Variants in PPP2R5C observed in about 807,000 individuals in gnomAD.
PPP2R5C encodes the protein serine/threonine-protein phosphatase 2A 56 kDa regulatory subunit gamma isoform.
Under a neutral mutation model 68.9 loss-of-function variants are expected in PPP2R5C, and 7 were observed. The ratio of observed to expected loss-of-function variants is 0.10; its 90% CI spans 0.06 to 0.19. The LOEUF (loss-of-function observed/expected upper bound fraction) is 0.19. Ranked by LOEUF, PPP2R5C falls within the 10% of genes least tolerant of loss-of-function variation. The pLI is 1.00. For synonymous variants in PPP2R5C, 210 were observed against 222.2 expected, an observed-to-expected ratio of 0.95 and a Z score of 0.49; for missense variants, 348 against 641.3, an observed-to-expected ratio of 0.54 and a Z score of 4.94.
At chr14:101,901,241 T>C (rs1472023196) in intron 8 of PPP2R5C, among the ~76,000 whole-genome samples, 1 of 152,252 alleles carries the variant, frequency 6.6e-6, no homozygotes, top group African/African-American at 2.4e-5. Flanking sequence ...GATCTTATTC[T>C]TTCTAAATTA....
chr14:101,791,115 T>C (rs2038345602), intron 3 of PPP2R5C, among the ~76,000 whole-genome samples: 1 of 152,128 alleles, frequency 6.6e-6, no homozygotes, highest in Non-Finnish European at 1.5e-5. Context: ...AAAAAGAAAC[T>C]GCCAAACTGT....
intron 3 of PPP2R5C, 63 bp from the exon 6 acceptor site, chr14:101,883,194 A>G (rs909561704): frequency 1.1e-4 from 130 of 1,160,058 alleles, no homozygotes; most frequent in Non-Finnish European, 1.6e-4. Context: ...AATTTCTGGT[A>G]TATTTTAACC....
chr14:101,880,845 A>G (rs1384131224), intron 2 of PPP2R5C, among the ~76,000 whole-genome samples: 2 of 152,204 alleles, frequency 1.3e-5, no homozygotes, highest in Non-Finnish European at 2.9e-5. Flanking sequence ...ATTGAGTATT[A>G]GCTTGGTCTT....
At position 101,774,485 on chromosome 14, in the gene PPP2R5C, C is replaced by T. The variant is rs145997849; in HGVS notation, c.93+11515C>T. 6.7e-4 allele frequency among the ~76,000 whole-genome samples: 102 copies of T among 152,310 alleles called. 2 individuals are homozygous for T. The highest frequency in any genetic ancestry group is 6.1e-3 in the Admixed American group (94 of 15,288). On this transcript the variant is annotated intron_variant, in intron 2 of 14. Transcript: ENST00000328724. ...ATCTCCTTTTCAGCTGCATATCTCACTCCTATTCTCTGCTATACCCAGTCT... is the reference window on the plus strand; with the variant it reads ...ATCTCCTTTTCAGCTGCATATCTCATTCCTATTCTCTGCTATACCCAGTCT...
chr14:101,828,959 G>A (rs1401886435), intron 1 of PPP2R5C, among the ~76,000 whole-genome samples: 2 of 152,152 alleles, frequency 1.3e-5, no homozygotes, highest in Non-Finnish European at 2.9e-5. Flanking sequence ...GAGTACAGGC[G>A]CAAGCCACCG....
In PPP2R5C at chr14:101,867,214, C is replaced by CA. The variant is rs796766323; in HGVS notation, c.294+10341dup. Among the ~76,000 whole-genome samples the CA allele has an allele frequency of 1.8e-3, 232 of 131,944 alleles. 1 individual carries two copies. The South Asian group carries it at 0.02, about 11-fold the overall frequency. The allele number at this position is 131,944 out of a possible 152,430, so 86.6% of individuals were successfully genotyped here. A position where few individuals can be genotyped will look rare whatever the true frequency, so the allele number is the denominator to read the frequency against. ...CCTGGGCGACAGAGCGAGACTCTGT[C>CA]AAAAAAAAAAAAGCAAGAAGAAAGA... On this transcript the variant is annotated intron_variant, in intron 2 of 13. Transcript: ENST00000334743.
At chr14:101,866,290 G>A (rs900069360) in intron 2 of PPP2R5C, among the ~76,000 whole-genome samples, 6 of 152,148 alleles carry the variant, frequency 3.9e-5, no homozygotes, top group Non-Finnish European at 7.3e-5. Context: ...AAAAATACAT[G>A]GTCTGAAGTA....
At chr14:101,793,295 C>A (rs2038447699) in intron 3 of PPP2R5C, among the ~76,000 whole-genome samples, 2 of 152,208 alleles carry the variant, frequency 1.3e-5, no homozygotes, top group African/African-American at 4.8e-5. Flanking sequence ...TAAATGCTTT[C>A]AATGGAGGGA....
chr14:101,761,115 C>A (rs2036503066), upstream of PPP2R5C, among the ~76,000 whole-genome samples: 1 of 150,470 alleles, frequency 6.6e-6, no homozygotes, highest in African/African-American at 2.5e-5. Context: ...CGGGGCCCAG[C>A]GGTGTCCCGC....
chr14:101,890,926 C>CA (rs1397921263), intron 6 of PPP2R5C, among the ~76,000 whole-genome samples: 1 of 151,918 alleles, frequency 6.6e-6, no homozygotes. Context: ...GTGCCCGCCA[C>CA]CATGCCTGGC....
chr14:101,822,088 C>G (rs544071728), intron 1 of PPP2R5C, among the ~76,000 whole-genome samples: 1 of 138,904 alleles, frequency 7.2e-6, no homozygotes, highest in East Asian at 2.0e-4. Flanking sequence ...TGCCCCCCCC[C>G]CACACACACA....
intron 8 of PPP2R5C, among the ~76,000 whole-genome samples, chr14:101,898,446 C>T (rs1194908878): frequency 6.6e-6 from 1 of 152,060 alleles, no homozygotes; most frequent in African/African-American, 2.4e-5. Context: ...TCTCTTCCAC[C>T]GAAAAGTAAC....
chr14:101,856,467 G>A (rs2042430311), intron 1 of PPP2R5C, among the ~76,000 whole-genome samples: 1 of 152,150 alleles, frequency 6.6e-6, no homozygotes, highest in South Asian at 2.1e-4. Flanking sequence ...GAGTTAAAAA[G>A]CATAAAAACT....
intron 1 of PPP2R5C, among the ~76,000 whole-genome samples, chr14:101,848,047 G>A (rs1450813032): frequency 6.6e-6 from 1 of 152,072 alleles, no homozygotes; most frequent in Non-Finnish European, 1.5e-5. Flanking sequence ...TGATAAGCAT[G>A]TCATACCACA....
chr14:101,790,512 C>T (rs887870045), intron 3 of PPP2R5C, among the ~76,000 whole-genome samples: 1 of 152,200 alleles, frequency 6.6e-6, no homozygotes, highest in Non-Finnish European at 1.5e-5. Context: ...GAAGTCATAC[C>T]ATAGGTAGTC....
At position 101,817,159 on chromosome 14, in the gene PPP2R5C, T is replaced by C. The variant is rs1485454297; in HGVS notation, c.94+7123T>C. 2.0e-5 allele frequency among the ~76,000 whole-genome samples: 3 copies of C among 151,696 alleles called. No homozygotes were observed. The East Asian group carries it at 5.8e-4, about 29-fold the overall frequency. ...TTTTAATAGAGATAGGGTTTCACCA[T>C]GTTGACCAGGATTGTCTCGATCTCC... On this transcript the variant is annotated intron_variant, in intron 1 of 13. Transcript: ENST00000334743.
chr14:101,912,898 C>A (rs1255169268), intron 12 of PPP2R5C, among the ~76,000 whole-genome samples: 1 of 152,160 alleles, frequency 6.6e-6, no homozygotes, highest in Non-Finnish European at 1.5e-5. Context: ...TGTCCTCTTT[C>A]TTTGTATGAG....
chr14:101,884,247 G>T (rs1016824351), intron 5 of PPP2R5C, among the ~76,000 whole-genome samples: 50 of 152,162 alleles, frequency 3.3e-4, no homozygotes, highest in African/African-American at 9.7e-4. Context: ...CTTAATTCTG[G>T]CCGCACCGGC....
At chr14:101,865,722 A>G (rs1212205960) in intron 2 of PPP2R5C, among the ~76,000 whole-genome samples, 1 of 152,202 alleles carries the variant, frequency 6.6e-6, no homozygotes, top group African/African-American at 2.4e-5. Context: ...AGGGGAACAC[A>G]TGGAAAGCTT....
Sources: gnomAD v4.1 joint callset for allele counts (sites outside exome capture counted in the v4.1 genomes callset) on GRCh38, gnomAD v4.1.1 for gene constraint, MANE v1.5 for transcripts, NCBI Gene and HGNC (gene_info 2026-07-23, HGNC 2026-07-21) for gene names.